Variants in WBP1L observed in about 807,000 individuals in gnomAD.
WBP1L encodes the protein WW domain binding protein 1-like.
Under a neutral mutation model 33.7 loss-of-function variants are expected in WBP1L, and 17 were observed. That is an observed-to-expected ratio of 0.50 (90% CI 0.34 to 0.76). The LOEUF (loss-of-function observed/expected upper bound fraction) is 0.76. WBP1L is among the 30% of genes least tolerant of loss of function. The probability of loss-of-function intolerance (pLI) is 0.01; values close to 1 mark genes in which losing one functional copy is unlikely to be tolerated. For missense variants in WBP1L, 389 were observed against 469.4 expected, an observed-to-expected ratio of 0.83 and a Z score of 1.58; for synonymous variants, 173 against 190.8, an observed-to-expected ratio of 0.91 and a Z score of 0.77.
Position 102,798,032 on chromosome 10 carries a change from A to G in WBP1L, c.130A>G (p.Ile44Val), listed in dbSNP as rs111703996. ...TGTGGGTACCAACAATCAAAGCTAC[A>G]TCTGTGACACAGGACACTGCTGTGG... Reference protein sequence around the residue: ...ACVGTNNQSYICDTGHCCGQS... With the variant: ...ACVGTNNQSYVCDTGHCCGQS... Residue 44 changes from isoleucine (I) to valine (V), a missense_variant, in exon 2 of 4, where the codon ATC (isoleucine) becomes GTC (valine). Coordinates refer to ENST00000448841, the MANE Select transcript of WBP1L (RefSeq NM_001083913.2). 3.8e-4 allele frequency: 619 copies of G among 1,614,180 alleles called. 2 individuals are homozygous for G. In the African/African-American group the frequency reaches 7.3e-3, roughly 19 times the overall value.
intron 1 of WBP1L, among the ~76,000 whole-genome samples, chr10:102,753,164 A>C (rs1842941227): frequency 6.6e-6 from 1 of 152,180 alleles, no homozygotes; most frequent in Non-Finnish European, 1.5e-5. Context: ...ACAGCCAGTA[A>C]GAGCAGCCAC....
At chr10:102,745,286 A>C (rs1268236929) in intron 1 of WBP1L, among the ~76,000 whole-genome samples, 2 of 152,192 alleles carry the variant, frequency 1.3e-5, no homozygotes, top group African/African-American at 4.8e-5. Flanking sequence ...CTCTATTTTA[A>C]AATACTGATT....
chr10:102,812,269 C>T (rs976491067), intron 3 of WBP1L, among the ~76,000 whole-genome samples: 1 of 152,212 alleles, frequency 6.6e-6, no homozygotes, highest in African/African-American at 2.4e-5. Flanking sequence ...GGGTCCATTC[C>T]AGGCAGAAGT....
At chr10:102,764,805 AGGAAAGGCAC>A (rs1843087914) in intron 1 of WBP1L, among the ~76,000 whole-genome samples, 1 of 152,224 alleles carries the variant, frequency 6.6e-6, no homozygotes, top group South Asian at 2.1e-4. Context: ...CCAGGAAATG[AGGAAAGGCAC>A]GGTGCCATGA....
chr10:102,801,833 CTCTT>C (rs1158890066), intron 2 of WBP1L, among the ~76,000 whole-genome samples: 1 of 151,860 alleles, frequency 6.6e-6, no homozygotes, highest in Non-Finnish European at 1.5e-5. Context: ...TTTATTCTCT[CTCTT>C]TTTTTCTTTC....
chr10:102,778,238 G>C (rs1221682895), intron 1 of WBP1L, among the ~76,000 whole-genome samples: 1 of 152,224 alleles, frequency 6.6e-6, no homozygotes, highest in Non-Finnish European at 1.5e-5. Context: ...AGAAGCGAAG[G>C]GACTGATACC....
intron 1 of WBP1L, among the ~76,000 whole-genome samples, chr10:102,767,681 T>TCTTCCTTC (rs1188523492): frequency 6.6e-6 from 1 of 152,130 alleles, no homozygotes; most frequent in Non-Finnish European, 1.5e-5. Flanking sequence ...CTCATCTGTA[T>TCTTCCTTC]CTTCCTTCCA....
chr10:102,810,942 CCCTT>C (rs1306561909), intron 3 of WBP1L, among the ~76,000 whole-genome samples: 1 of 143,886 alleles, frequency 6.9e-6, no homozygotes, highest in African/African-American at 2.5e-5. Flanking sequence ...CTCTTTCTTA[CCCTT>C]CCTTTCTTTC....
At chr10:102,803,273 G>C (rs759938475) in intron 2 of WBP1L, among the ~76,000 whole-genome samples, 2 of 152,182 alleles carry the variant, frequency 1.3e-5, no homozygotes, top group Admixed American at 1.3e-4. Context: ...GTCACCCACC[G>C]TCCTGCAGGA....
At chr10:102,794,874 A>G (rs1843553256) in intron 1 of WBP1L, among the ~76,000 whole-genome samples, 1 of 152,076 alleles carries the variant, frequency 6.6e-6, no homozygotes, top group Non-Finnish European at 1.5e-5. Flanking sequence ...CTCATATCTC[A>G]CTATCTCCTG....
At chr10:102,745,731 G>A (rs1842857236) in intron 1 of WBP1L, among the ~76,000 whole-genome samples, 1 of 152,116 alleles carries the variant, frequency 6.6e-6, no homozygotes, top group African/African-American at 2.4e-5. Context: ...ATATGTTTGT[G>A]TATACTAGAA....
chr10:102,809,931 T>C lies in WBP1L; in HGVS notation c.232T>C (p.Cys78Arg), dbSNP rs1465936263. ...LVWTIIIILS[C>R]CCVCHHRRAK... is the part of the protein sequence containing the mutation. Reference sequence around the variant, plus strand: ...GTGGACCATCATCATCATCCTGAGCTGCTGCTGTGTTTGCCACCACCGCCG... The same window carrying C: ...GTGGACCATCATCATCATCCTGAGCCGCTGCTGTGTTTGCCACCACCGCCG... Residue 78 changes from cysteine (C) to arginine (R), a missense_variant, in exon 3 of 4, where the codon TGC becomes CGC. By Grantham distance (180) the Cys-to-Arg change is radical (BLOSUM62 -3). Coordinates refer to ENST00000448841, the MANE Select transcript of WBP1L (RefSeq NM_001083913.2). 1 of 1,613,930 alleles carries C rather than the reference T, an allele frequency of 6.2e-7. No homozygotes were observed.
intron 1 of WBP1L, among the ~76,000 whole-genome samples, chr10:102,759,797 C>A (rs1314371399): frequency 2.0e-5 from 3 of 152,184 alleles, no homozygotes; most frequent in Admixed American, 1.3e-4. Flanking sequence ...TCCTGAGTAG[C>A]TGCAACTACA....
At chr10:102,806,699 C>T (rs575560472) in intron 2 of WBP1L, among the ~76,000 whole-genome samples, 5 of 152,298 alleles carry the variant, frequency 3.3e-5, no homozygotes, top group African/African-American at 9.6e-5. Flanking sequence ...AAGGCTGCAG[C>T]ATGAAGCTTT....
chr10:102,782,982 T>C (rs1843359583), intron 1 of WBP1L, among the ~76,000 whole-genome samples: 1 of 152,200 alleles, frequency 6.6e-6, no homozygotes, highest in Non-Finnish European at 1.5e-5. Flanking sequence ...ATGCACGGTC[T>C]CGATGTGGTT....
At chr10:102,780,434 A>G (rs1379307003) in intron 1 of WBP1L, among the ~76,000 whole-genome samples, 2 of 152,248 alleles carry the variant, frequency 1.3e-5, no homozygotes, top group East Asian at 3.8e-4. Context: ...ATTTTCGGAG[A>G]ACAGTATTGC....
Position 102,814,186 on chromosome 10 carries a change from C to G in WBP1L, c.*855C>G, listed in dbSNP as rs1590197614. On this transcript the variant is annotated 3_prime_UTR_variant, in exon 4 of 4. Transcript: ENST00000448841. ...TTCAAAGAGCCTGCCTGCTGTTGAG[C>G]CAGAAGATGTCTCGTGTGAAGGCTG... The G allele has an allele frequency of 6.6e-6, 1 of 152,174 alleles. No individual in the cohort carries two copies. The highest frequency in any genetic ancestry group is 1.9e-4 in the East Asian group (1 of 5,200). 9.4% of individuals were successfully genotyped at this position (152,174 alleles called of 1,614,324 possible).
At chr10:102,797,614 G>A (rs1314402631) in intron 1 of WBP1L, among the ~76,000 whole-genome samples, 3 of 151,910 alleles carry the variant, frequency 2.0e-5, no homozygotes, top group East Asian at 1.9e-4. Context: ...GTGCAGTGGC[G>A]TGATCTTGGC....
At chr10:102,778,265 G>T (rs1843292989) in intron 1 of WBP1L, among the ~76,000 whole-genome samples, 1 of 152,252 alleles carries the variant, frequency 6.6e-6, no homozygotes, top group East Asian at 1.9e-4. Context: ...GGAGCCAGGT[G>T]TGCTGGGCAG....
Sources: gnomAD v4.1 joint callset for allele counts (sites outside exome capture counted in the v4.1 genomes callset) on GRCh38, gnomAD v4.1.1 for gene constraint, MANE v1.5 for transcripts, NCBI Gene and HGNC (gene_info 2026-07-23, HGNC 2026-07-21) for gene names.